The following CDYL variants were observed in gnomAD, a reference collection of about 807,000 sequenced individuals.
The protein encoded by CDYL is chromodomain Y-like protein.
A neutral mutation model predicts 47.3 loss-of-function variants in CDYL; 8 were observed. The ratio of observed to expected loss-of-function variants is 0.17; its 90% confidence interval spans 0.10 to 0.31. The LOEUF (loss-of-function observed/expected upper bound fraction) is 0.31, where lower values mean the gene tolerates loss of function less well. CDYL is among the 10% of genes least tolerant of loss of function. CDYL has a pLI of 1.00. For missense variants in CDYL, 471 were observed against 701.4 expected (o/e 0.67, Z 3.71); for synonymous variants, 266 against 265.0 (o/e 1.00, Z -0.04).
At chr6:4,730,280 C>T (rs553698320) in intron 2 of CDYL, among the ~76,000 whole-genome samples, 1 of 152,266 alleles carries the variant, frequency 6.6e-6, no homozygotes, top group Admixed American at 6.5e-5. Context: ...GTAACGGTTC[C>T]AGTACTGGCA....
At position 4,900,823 on chromosome 6, in the gene CDYL, A is replaced by C. The variant is rs1275792285; in HGVS notation, c.691+8444A>C. On this transcript the variant is annotated intron_variant, in intron 2 of 6. Coordinates refer to ENST00000397588, the MANE Select transcript of CDYL (RefSeq NM_004824.4). ...TATATATATATATATATATATATAT[A>C]TATATATCTTGCCTGTTTTTCTTTT... Among the ~76,000 whole-genome samples, 71 of 82,422 alleles carry C rather than the reference A, an allele frequency of 8.6e-4. 9 individuals are homozygous for C. Among genetic ancestry groups the C allele is most frequent in the African/African-American group, 2.5e-3 (54 of 21,854 alleles). 54.1% of individuals were successfully genotyped at this position (82,422 alleles called of 152,430 possible). A position where few individuals can be genotyped will look rare whatever the true frequency, so the allele number is the denominator to read the frequency against.
chr6:4,783,904 C>G (rs778282242), intron 1 of CDYL, among the ~76,000 whole-genome samples: 15 of 152,130 alleles, frequency 9.9e-5, no homozygotes, highest in Non-Finnish European at 2.1e-4. Context: ...CTCATCAGCT[C>G]GAAAATGGAT....
At chr6:4,758,370 A>ATATATATATATATC (rs140149693) in intron 3 of CDYL, among the ~76,000 whole-genome samples, 28 of 137,806 alleles carry the variant, frequency 2.0e-4, no homozygotes, top group Admixed American at 6.6e-4. Context: ...ATATATATAT[A>ATATATATATATATC]TCTCTTTGTG....
At chr6:4,946,478 C>T (rs1279436266) in intron 5 of CDYL, among the ~76,000 whole-genome samples, 6 of 152,182 alleles carry the variant, frequency 3.9e-5, no homozygotes, top group Non-Finnish European at 8.8e-5. Context: ...CTTGCCCATC[C>T]ACCCAGTGAG....
rs1318623401 is a variant in CDYL at position 4,767,632 on chromosome 6, T to A, written c.186+32788T>A. ...GGAGGGGAGCAGAGGGAAACTAGGA[T>A]GGAAAGGAACTGCCTTAATCTAATT... is the stretch of plus-strand genomic sequence containing the variant. On this transcript the variant is annotated intron_variant, in intron 3 of 8. Coordinates refer to the CDYL transcript ENST00000328908. Among the ~76,000 whole-genome samples, 6 of 152,054 alleles carry A rather than the reference T, an allele frequency of 3.9e-5. No individual in the cohort carries two copies. The East Asian group carries it at 7.7e-4, about 20-fold the overall frequency.
chr6:4,831,703 A>C (rs577942105), intron 1 of CDYL, among the ~76,000 whole-genome samples: 1 of 152,186 alleles, frequency 6.6e-6, no homozygotes, highest in Admixed American at 6.5e-5. Context: ...GATTCTTCCT[A>C]CCCATGAGCA....
intron 1 of CDYL, among the ~76,000 whole-genome samples, chr6:4,813,387 G>C (rs1241647505): frequency 6.6e-6 from 1 of 152,190 alleles, no homozygotes; most frequent in African/African-American, 2.4e-5. Context: ...TTAAAATCAT[G>C]AGTGGGTTTT....
At chr6:4,813,133 G>A (rs192644826) in intron 1 of CDYL, among the ~76,000 whole-genome samples, 5 of 152,218 alleles carry the variant, frequency 3.3e-5, no homozygotes, top group Admixed American at 3.3e-4. Context: ...TTCTACCTTC[G>A]AATTAATTAT....
chr6:4,734,892 G>A (rs755039722), intron 3 of CDYL: 1 of 1,610,736 alleles, frequency 6.2e-7, no homozygotes, highest in Admixed American at 1.7e-5. Flanking sequence ...CATCTGGCAA[G>A]GAAGAGCCCA....
At chr6:4,791,642 C>T (rs544337454) in intron 1 of CDYL, among the ~76,000 whole-genome samples, 1 of 151,948 alleles carries the variant, frequency 6.6e-6, no homozygotes, top group African/African-American at 2.4e-5. Flanking sequence ...GTCTCATTAC[C>T]TTAGTGTGGG....
chr6:4,734,844 G>A (rs777252998), exon 3 of CDYL: 6 of 1,613,918 alleles, frequency 3.7e-6, no homozygotes, highest in African/African-American at 1.3e-5. Context: ...CCGCTTTACA[G>A]GTAGGTCTTG....
At chr6:4,897,793 T>TTGTTTTTG (rs1286777754) in intron 2 of CDYL, among the ~76,000 whole-genome samples, 1 of 145,190 alleles carries the variant, frequency 6.9e-6, no homozygotes, top group South Asian at 2.2e-4. Context: ...GGTTTTTGTT[T>TTGTTTTTG]TTTTTTTTTA....
intron 1 of CDYL, among the ~76,000 whole-genome samples, chr6:4,856,754 A>T (rs369052430): frequency 1.3e-5 from 2 of 152,302 alleles, no homozygotes; most frequent in African/African-American, 4.8e-5. Context: ...CCTGGGGGGA[A>T]CTTCAGGATC....
At chr6:4,950,756 G>A (rs1422267415) in intron 5 of CDYL, among the ~76,000 whole-genome samples, 2 of 151,896 alleles carry the variant, frequency 1.3e-5, no homozygotes, top group Admixed American at 6.6e-5. Context: ...GTGAAACCCC[G>A]TCTCTACCAA....
chr6:4,899,022 G>A (rs1051962392), intron 2 of CDYL, among the ~76,000 whole-genome samples: 1 of 152,170 alleles, frequency 6.6e-6, no homozygotes, highest in African/African-American at 2.4e-5. Flanking sequence ...AAACTTAGGT[G>A]TACTTAGAAA....
At chr6:4,738,352 G>A (rs1049232550) in intron 3 of CDYL, among the ~76,000 whole-genome samples, 2 of 152,022 alleles carry the variant, frequency 1.3e-5, no homozygotes, top group African/African-American at 2.4e-5. Flanking sequence ...GCACCTCAGC[G>A]TGGGTGACCA....
At chr6:4,840,970 A>T (rs1185614015) in intron 1 of CDYL, among the ~76,000 whole-genome samples, 2 of 152,128 alleles carry the variant, frequency 1.3e-5, no homozygotes, top group African/African-American at 4.8e-5. Flanking sequence ...CTTGTGGAAT[A>T]GTGTCAATAG....
At chr6:4,919,251 C>T (rs1185839460) in intron 2 of CDYL, among the ~76,000 whole-genome samples, 1 of 151,880 alleles carries the variant, frequency 6.6e-6, no homozygotes, top group Non-Finnish European at 1.5e-5. Flanking sequence ...CATGTGTGGC[C>T]TGTGTGTATA....
chr6:4,940,183 C>T (rs1312421832), intron 4 of CDYL, among the ~76,000 whole-genome samples: 5 of 152,214 alleles, frequency 3.3e-5, no homozygotes. Context: ...TCTCCCTACT[C>T]CACACAAAAA....
Sources: allele counts gnomAD v4.1 joint callset (sites outside exome capture counted in the v4.1 genomes callset), GRCh38; gene constraint gnomAD v4.1.1; transcripts MANE v1.5; gene names NCBI Gene and HGNC (gene_info 2026-07-23, HGNC 2026-07-21).